CLDN2: variants seen among roughly 807,000 people sequenced by gnomAD.
CLDN2 encodes claudin 2.
A neutral mutation model predicts 8.2 loss-of-function variants in CLDN2; 1 was observed. The ratio of observed to expected loss-of-function variants is 0.12; its 90% confidence interval spans 0.04 to 0.58. CLDN2 has a LOEUF of 0.58. Among genes scored for constraint, CLDN2 ranks in the 20% least tolerant of loss-of-function variants. The pLI is 0.90. For synonymous variants in CLDN2, 70 were observed against 70.2 expected, an observed-to-expected ratio of 1.00 and a Z score of 0.01; for missense variants, 108 against 172.9, an observed-to-expected ratio of 0.62 and a Z score of 2.11.
chrX:106,900,747 T>G (rs1933077927), intron 1 of CLDN2: 1 of 1,203,970 alleles, frequency 8.3e-7, no homozygotes, highest in Admixed American at 2.2e-5. Flanking sequence ...TTCATTGGCC[T>G]CCTACTTCTC....
chrX:106,907,702 AAATAATAATAAT>A (rs200946606), intron 1 of CLDN2, among the ~76,000 whole-genome samples: 5,443 of 95,312 alleles, frequency 0.057, 411 homozygotes, highest in African/African-American at 0.19. Context: ...CTCCGTCTCA[AAATAATAATAAT>A]AATAATAATA....
intron 1 of CLDN2, chrX:106,900,689 G>A (rs932237261): frequency 3.0e-5 from 34 of 1,151,467 alleles, no homozygotes; most frequent in African/African-American, 9.0e-5. Flanking sequence ...GAGCTGTGGC[G>A]CTGTAGGGTA....
At chrX:106,919,894 C>A (rs1465804429), upstream of CLDN2, among the ~76,000 whole-genome samples, 2 of 112,577 alleles carry the variant, frequency 1.8e-5, no homozygotes, top group Non-Finnish European at 3.8e-5. Flanking sequence ...CTTGTAGGAC[C>A]TGCTCTTTGA....
chrX:106,902,946 A>C (rs1248422414), intron 1 of CLDN2, among the ~76,000 whole-genome samples: 1 of 112,069 alleles, frequency 8.9e-6, no homozygotes, highest in Non-Finnish European at 1.9e-5. Flanking sequence ...CCCTCTTGCC[A>C]CCCAGCGGGA....
chrX:106,917,721 T>TC (rs1306641384), upstream of CLDN2, among the ~76,000 whole-genome samples: 1 of 110,900 alleles, frequency 9.0e-6, no homozygotes, highest in Non-Finnish European at 1.9e-5. Flanking sequence ...CCTTTTCTCT[T>TC]CCCCCAAACC....
chrX:106,915,404 A>G (rs757698894), upstream of CLDN2, among the ~76,000 whole-genome samples: 1 of 112,303 alleles, frequency 8.9e-6, no homozygotes, highest in Non-Finnish European at 1.9e-5. Context: ...ATTTTTTAAA[A>G]TGAGGGAGAA....
upstream of CLDN2, among the ~76,000 whole-genome samples, chrX:106,917,902 A>G (rs1933334434): frequency 9.0e-6 from 1 of 111,199 alleles, no homozygotes; most frequent in African/African-American, 3.3e-5. Flanking sequence ...TGGCAGAAGG[A>G]TTACTAAAGA....
chrX:106,927,026 T>A (rs1331277497), intron 1 of CLDN2, among the ~76,000 whole-genome samples: 1 of 110,854 alleles, frequency 9.0e-6, no homozygotes, highest in Admixed American at 9.6e-5. Context: ...GAGGCTGCAA[T>A]GAGCCGAGAT....
upstream of CLDN2, among the ~76,000 whole-genome samples, chrX:106,916,854 C>G (rs1470767487): frequency 1.8e-5 from 2 of 111,456 alleles, no homozygotes; most frequent in Non-Finnish European, 3.8e-5. Flanking sequence ...TTGAGACTAA[C>G]CTGTGCAATA....
chrX:106,902,161 C>T lies in CLDN2; in HGVS notation c.-179+1657C>T, dbSNP rs772478118. 8 of 1,194,968 alleles carry T rather than the reference C, an allele frequency of 6.7e-6. No homozygotes were observed. The South Asian group carries it at 1.5e-4, about 22-fold the overall frequency. On this transcript the variant is annotated intron_variant, in intron 1 of 1. Coordinates refer to the CLDN2 transcript ENST00000541806. Reference sequence around the variant, plus strand: ...TCACCAAATCCACCAGCTTCCTCATCTGCCTTGGGGAGTCATTTGTGGAAG... The same window carrying T: ...TCACCAAATCCACCAGCTTCCTCATTTGCCTTGGGGAGTCATTTGTGGAAG...
chrX:106,911,216 G>A (rs960183985), intron 1 of CLDN2, among the ~76,000 whole-genome samples: 3 of 111,506 alleles, frequency 2.7e-5, no homozygotes, highest in Non-Finnish European at 3.8e-5. Context: ...CTGGAGTGAG[G>A]ATGAAATGAA....
chrX:106,916,628 C>G (rs749129751), upstream of CLDN2, among the ~76,000 whole-genome samples: 1 of 111,544 alleles, frequency 9.0e-6, no homozygotes, highest in Admixed American at 9.5e-5. Context: ...ATTTACAGGT[C>G]TGATACAATG....
upstream of CLDN2, among the ~76,000 whole-genome samples, chrX:106,915,248 G>A (rs966527724): frequency 4.5e-5 from 5 of 111,826 alleles, no homozygotes; most frequent in African/African-American, 6.5e-5. Context: ...CAGTTTATTC[G>A]TTCACTAGTT....
At chrX:106,906,682 G>A (rs1384162609) in intron 1 of CLDN2, among the ~76,000 whole-genome samples, 1 of 111,111 alleles carries the variant, frequency 9.0e-6, no homozygotes. Context: ...AGGGGACAAG[G>A]TGCCCCTCTG....
At chrX:106,912,397 T>C (rs1933257691) in intron 1 of CLDN2, among the ~76,000 whole-genome samples, 1 of 108,468 alleles carries the variant, frequency 9.2e-6, no homozygotes, top group Non-Finnish European at 1.9e-5. Context: ...TAGCGAATTT[T>C]TTATGGAACT....
upstream of CLDN2, among the ~76,000 whole-genome samples, chrX:106,914,412 T>C (rs2147789979): frequency 9.0e-6 from 1 of 111,258 alleles, no homozygotes; most frequent in African/African-American, 3.3e-5. Flanking sequence ...GGGTCATTCT[T>C]AGAATTCTGC....
chrX:106,925,631 T>C (rs140685907), intron 1 of CLDN2, among the ~76,000 whole-genome samples: 1 of 112,227 alleles, frequency 8.9e-6, no homozygotes, highest in East Asian at 2.8e-4. Context: ...GATTAATGTG[T>C]TGAAAGATCA....
intron 1 of CLDN2, among the ~76,000 whole-genome samples, chrX:106,913,318 C>T (rs1024459773): frequency 8.9e-6 from 1 of 111,973 alleles, no homozygotes; most frequent in Admixed American, 9.5e-5. Flanking sequence ...TGGTTTTGAA[C>T]TCCTTACCTC....
At position 106,910,019 on chromosome X, in the gene CLDN2, G is replaced by A. The variant is rs190958845; in HGVS notation, c.-179+9515G>A. Among the ~76,000 whole-genome samples the A allele has an allele frequency of 2.9e-3, 326 of 111,452 alleles. 2 individuals are homozygous for A. The highest frequency in any genetic ancestry group is 4.8e-3 in the Non-Finnish European group (257 of 53,071). ...CCCAGCTGGGCTCCTTTCCTTCTCC[G>A]TCCTGTCCTTCCATCCAGCTCCTCC... is the stretch of plus-strand genomic sequence containing the variant. On this transcript the variant is annotated intron_variant, in intron 1 of 1. Transcript: ENST00000541806.
Sources: allele counts gnomAD v4.1 joint callset (sites outside exome capture counted in the v4.1 genomes callset), GRCh38; gene constraint gnomAD v4.1.1; transcripts MANE v1.5; gene names NCBI Gene and HGNC (gene_info 2026-07-23, HGNC 2026-07-21).